Variants in ZC3H12B observed in about 807,000 individuals in gnomAD.
The protein encoded by ZC3H12B is zinc finger CCCH-type containing 12B, also known as probable ribonuclease ZC3H12B.
A neutral mutation model predicts 43.9 loss-of-function variants in ZC3H12B; 7 were observed. The observed-to-expected ratio is 0.16, with a 90% CI of 0.09 to 0.30. The LOEUF (loss-of-function observed/expected upper bound fraction) is 0.30, where lower values mean the gene tolerates loss of function less well. ZC3H12B is among the 10% of genes least tolerant of loss of function. The pLI is 1.00. For synonymous variants in ZC3H12B, 222 were observed against 241.7 expected (o/e 0.92, Z 0.76); for missense variants, 475 against 670.2 (o/e 0.71, Z 3.22).
At chrX:65,144,221 A>G in the ZC3H12B span, among the ~76,000 whole-genome samples, 2 of 111,387 alleles carry the variant, frequency 1.8e-5, no homozygotes, top group African/African-American at 6.5e-5. Context: ...TCCTGGTTTA[A>G]GCTAGGATTT....
chrX:65,167,372 T>G, the ZC3H12B span, among the ~76,000 whole-genome samples: 2 of 111,569 alleles, frequency 1.8e-5, no homozygotes, highest in African/African-American at 6.5e-5. Context: ...GTATTATTTC[T>G]GAGGGCTCTG....
chrX:65,251,950 T>C, the ZC3H12B span, among the ~76,000 whole-genome samples: 4 of 111,889 alleles, frequency 3.6e-5, no homozygotes, highest in Non-Finnish European at 3.8e-5. Context: ...CTGATTGCCC[T>C]GGCCAGAACT....
At chrX:65,184,086 C>A in the ZC3H12B span, among the ~76,000 whole-genome samples, 12 of 111,311 alleles carry the variant, frequency 1.1e-4, no homozygotes, top group Non-Finnish European at 2.3e-4. Context: ...GTAAAGCACA[C>A]AACACATTAA....
At chrX:65,334,604 CACACA>C in the ZC3H12B span, among the ~76,000 whole-genome samples, 1 of 111,737 alleles carries the variant, frequency 8.9e-6, no homozygotes, top group African/African-American at 3.3e-5. Flanking sequence ...AAACATCACA[CACACA>C]ACACATATAA....
chrX:65,043,598 C>T, the ZC3H12B span, among the ~76,000 whole-genome samples: 1 of 110,920 alleles, frequency 9.0e-6, no homozygotes, highest in Admixed American at 9.6e-5. Context: ...AAAATGTTAA[C>T]ACACTTTAAA....
chrX:65,078,601 AT>A, the ZC3H12B span, among the ~76,000 whole-genome samples: 1 of 112,053 alleles, frequency 8.9e-6, no homozygotes, highest in Admixed American at 9.4e-5. Flanking sequence ...GGAGATTATC[AT>A]TGACCTTAGT....
At chrX:65,146,614 C>T in the ZC3H12B span, among the ~76,000 whole-genome samples, 6 of 111,459 alleles carry the variant, frequency 5.4e-5, no homozygotes, top group Admixed American at 1.9e-4. Flanking sequence ...GGTCTAGGGC[C>T]GAAGGCTGTT....
At chrX:65,357,872 G>A in the ZC3H12B span, among the ~76,000 whole-genome samples, 5 of 111,353 alleles carry the variant, frequency 4.5e-5, no homozygotes, top group Non-Finnish European at 3.8e-5. Flanking sequence ...TGAGCTAAAT[G>A]CCCCAATTAA....
chrX:65,080,786 A>G, the ZC3H12B span, among the ~76,000 whole-genome samples: 1 of 111,849 alleles, frequency 8.9e-6, no homozygotes, highest in Non-Finnish European at 1.9e-5. Context: ...ACCTGAAGGT[A>G]CAAAACTCAC....
At chrX:65,044,403 G>T in the ZC3H12B span, among the ~76,000 whole-genome samples, 2 of 111,390 alleles carry the variant, frequency 1.8e-5, no homozygotes, top group Non-Finnish European at 3.8e-5. Flanking sequence ...TGTATTCAGA[G>T]GCCAAAACAT....
the ZC3H12B span, among the ~76,000 whole-genome samples, chrX:65,304,610 C>T: frequency 4.4e-5 from 4 of 90,988 alleles, no homozygotes; most frequent in Non-Finnish European, 7.9e-5. Context: ...AGCGACACTC[C>T]GTCTCAAAAA....
At chrX:65,162,322 A>G in the ZC3H12B span, among the ~76,000 whole-genome samples, 20 of 111,752 alleles carry the variant, frequency 1.8e-4, no homozygotes, top group East Asian at 2.8e-3. Context: ...CTGCCTTGCT[A>G]GATTGGGCAA....
the ZC3H12B span, among the ~76,000 whole-genome samples, chrX:65,086,920 G>T: frequency 1.8e-5 from 2 of 110,864 alleles, no homozygotes; most frequent in African/African-American, 3.3e-5. Context: ...CGAATGCTGG[G>T]CTGGCCTCCA....
chrX:65,129,475 T>A, the ZC3H12B span, among the ~76,000 whole-genome samples: 1 of 108,684 alleles, frequency 9.2e-6, no homozygotes, highest in East Asian at 2.9e-4. Context: ...GTCAAAGGGG[T>A]TGTTCTCTGG....
At chrX:65,138,112 G>A in the ZC3H12B span, among the ~76,000 whole-genome samples, 2 of 112,604 alleles carry the variant, frequency 1.8e-5, no homozygotes, top group Non-Finnish European at 3.8e-5. Context: ...CTACTGGCAT[G>A]AGCCACCATT....
chrX:65,037,521 A>G, the ZC3H12B span, among the ~76,000 whole-genome samples: 1 of 112,141 alleles, frequency 8.9e-6, no homozygotes. Flanking sequence ...AATTTCACAG[A>G]TATACATGCT....
the ZC3H12B span, among the ~76,000 whole-genome samples, chrX:65,256,435 G>A: frequency 8.9e-6 from 1 of 111,989 alleles, no homozygotes; most frequent in African/African-American, 3.2e-5. Context: ...GCTCCTGAAT[G>A]ACTTTCAGAT....
chrX:65,433,046 G>A (rs2067181943), intron 3 of ZC3H12B, among the ~76,000 whole-genome samples: 1 of 112,642 alleles, frequency 8.9e-6, no homozygotes, highest in Non-Finnish European at 1.9e-5. Flanking sequence ...ACTGCTTCTT[G>A]TGGGTCTTAT....
At chrX:65,390,810 G>C (rs1031139615) in intron 2 of ZC3H12B, among the ~76,000 whole-genome samples, 4 of 111,920 alleles carry the variant, frequency 3.6e-5, no homozygotes, top group African/African-American at 1.3e-4. Flanking sequence ...CTCAAGGATA[G>C]ACCATATGTT....
Sources: gnomAD v4.1 joint callset for allele counts (sites outside exome capture counted in the v4.1 genomes callset) on GRCh38, gnomAD v4.1.1 for gene constraint, MANE v1.5 for transcripts, NCBI Gene and HGNC (gene_info 2026-07-23, HGNC 2026-07-21) for gene names.